The following DUS2 variants were observed in gnomAD, a reference collection of about 807,000 sequenced individuals.
DUS2 encodes the protein dihydrouridine synthase 2.
A neutral mutation model predicts 71.3 loss-of-function variants in DUS2; 52 were observed. That is an observed-to-expected ratio of 0.73 (90% CI 0.58 to 0.92). DUS2 has a LOEUF of 0.92. Among genes scored for constraint, DUS2 ranks in the 40% least tolerant of loss-of-function variants. The probability of loss-of-function intolerance (pLI) is 0.00; values close to 1 mark genes in which losing one functional copy is unlikely to be tolerated. For missense variants in DUS2, 558 were observed against 622.6 expected, an observed-to-expected ratio of 0.90 and a Z score of 1.10; for synonymous variants, 204 against 227.8, an observed-to-expected ratio of 0.90 and a Z score of 0.94.
chr16:68,042,856 G>A (rs1045942314), intron 3 of DUS2, among the ~76,000 whole-genome samples: 1 of 151,954 alleles, frequency 6.6e-6, no homozygotes, highest in Non-Finnish European at 1.5e-5. Flanking sequence ...TTACAGGCAT[G>A]CACCACTACA....
intron 2 of DUS2, among the ~76,000 whole-genome samples, chr16:68,033,405 T>C (rs1349654511): frequency 6.6e-6 from 1 of 152,130 alleles, no homozygotes; most frequent in Non-Finnish European, 1.5e-5. Flanking sequence ...TTTCTACATA[T>C]TGGACTGGTT....
chr16:68,027,790 G>A lies in DUS2; in HGVS notation c.-19+2296G>A, dbSNP rs537645945. On this transcript the variant is annotated intron_variant, in intron 2 of 16. Coordinates refer to ENST00000565263, the MANE Select transcript of DUS2 (RefSeq NM_017803.5). The stretch of plus-strand genomic sequence containing the variant: ...GTTGGTCAGAGAAGGCTTCCAGGAG[G>A]AGGTGATGAGGTTCTAAAAGTCTAC... 1.3e-3 allele frequency among the ~76,000 whole-genome samples: 198 copies of A among 151,534 alleles called. 2 individuals carry two copies. Among genetic ancestry groups the A allele is most frequent in the South Asian group, 7.9e-3 (38 of 4,832 alleles).
chr16:68,072,809 G>A (rs75421006), intron 12 of DUS2, among the ~76,000 whole-genome samples: 4,886 of 152,330 alleles, frequency 0.032, 117 homozygotes, highest in Non-Finnish European at 0.047. Flanking sequence ...GGGTGTCCCA[G>A]GCAGTCAGTC....
At chr16:68,036,467 G>T (rs1280568512) in intron 2 of DUS2, among the ~76,000 whole-genome samples, 1 of 149,602 alleles carries the variant, frequency 6.7e-6, no homozygotes, top group African/African-American at 2.5e-5. Context: ...GGCCCAGCTG[G>T]CTAATTTTTG....
At chr16:68,046,819 T>C (rs2151417605) in intron 3 of DUS2, among the ~76,000 whole-genome samples, 1 of 152,074 alleles carries the variant, frequency 6.6e-6, no homozygotes, top group Non-Finnish European at 1.5e-5. Flanking sequence ...CCATCTTGGC[T>C]CACTGCAAGC....
At chr16:68,070,896 G>T in intron 11 of DUS2, 44 bp from the exon 12 acceptor site, 1 of 1,595,384 alleles carries the variant, frequency 6.3e-7, no homozygotes, top group Non-Finnish European at 8.6e-7. Context: ...AATGCTGATA[G>T]GTTCCGTGAT....
At chr16:68,049,149 G>A (rs773386196) in intron 3 of DUS2, among the ~76,000 whole-genome samples, 7 of 152,190 alleles carry the variant, frequency 4.6e-5, no homozygotes, top group Non-Finnish European at 1.0e-4. Flanking sequence ...TTTGCTGAGG[G>A]ATAGGTGGGA....
At chr16:68,041,531 G>C (rs2033624995) in intron 3 of DUS2, among the ~76,000 whole-genome samples, 1 of 151,854 alleles carries the variant, frequency 6.6e-6, no homozygotes, top group Non-Finnish European at 1.5e-5. Context: ...GATTGATTTA[G>C]GCCAAGCACA....
chr16:68,028,856 G>C (rs1333595506), intron 2 of DUS2, among the ~76,000 whole-genome samples: 2 of 152,204 alleles, frequency 1.3e-5, no homozygotes, highest in Non-Finnish European at 2.9e-5. Flanking sequence ...GGCACAGCTG[G>C]GATTCAAGTG....
chr16:68,059,683 A>G (rs1383189276), intron 7 of DUS2, among the ~76,000 whole-genome samples: 1 of 152,188 alleles, frequency 6.6e-6, no homozygotes, highest in Non-Finnish European at 1.5e-5. Flanking sequence ...CTGAACTTAC[A>G]CCTTCTGAGC....
At chr16:68,070,908 G>A (rs2034074846) in intron 11 of DUS2, 32 bp from the exon 12 acceptor site, 15 of 1,604,486 alleles carry the variant, frequency 9.3e-6, no homozygotes, top group African/African-American at 1.3e-5. Context: ...TTCCGTGATG[G>A]GGACACCCCT....
chr16:68,037,750 A>C (rs1325919381), intron 2 of DUS2, among the ~76,000 whole-genome samples: 1 of 152,098 alleles, frequency 6.6e-6, no homozygotes, highest in African/African-American at 2.4e-5. Context: ...AAATACAAAA[A>C]TTAGCCGGTC....
intron 2 of DUS2, among the ~76,000 whole-genome samples, chr16:68,029,009 A>C (rs1386957882): frequency 3.9e-5 from 6 of 152,108 alleles, no homozygotes; most frequent in African/African-American, 7.2e-5. Flanking sequence ...GACTAGCCTG[A>C]GCAACATAGC....
At chr16:68,029,884 C>G (rs77460316) in intron 2 of DUS2, among the ~76,000 whole-genome samples, 2,018 of 151,038 alleles carry the variant, frequency 0.013, 43 homozygotes, top group African/African-American at 0.046. Flanking sequence ...AGGTGGAGTA[C>G]CTAGGACCAC....
At position 68,076,661 on chromosome 16, in the gene DUS2, A is replaced by G; in HGVS notation, c.1112A>G (p.Lys371Arg). The change falls in exon 15 of 17, where the codon AAG becomes AGG. Residue 371 changes from lysine to arginine, a missense_variant. Coordinates refer to ENST00000565263, the MANE Select transcript of DUS2 (RefSeq NM_017803.5). The stretch of plus-strand genomic sequence containing the variant: ...GCATACCCAGCCCAGATCACCCCTA[A>G]GATGTGCCTACTAGAGTGGTGCCGG... Reference protein sequence around the residue: ...RRAYPAQITPKMCLLEWCRRE... With the variant: ...RRAYPAQITPRMCLLEWCRRE... 1 of 1,614,040 alleles carries G rather than the reference A, an allele frequency of 6.2e-7. No homozygotes were observed. The highest frequency in any genetic ancestry group is 8.5e-7 in the Non-Finnish European group (1 of 1,179,962).
chr16:68,036,387 C>T (rs2033527987), intron 2 of DUS2, among the ~76,000 whole-genome samples: 1 of 152,138 alleles, frequency 6.6e-6, no homozygotes, highest in Non-Finnish European at 1.5e-5. Context: ...TCTTGAACTC[C>T]TGACCTCAGG....
intron 6 of DUS2, 112 bp from the exon 7 acceptor site, chr16:68,056,252 G>C: frequency 1.2e-6 from 1 of 849,382 alleles, no homozygotes; most frequent in Non-Finnish European, 1.9e-6. Flanking sequence ...GTGTTTCATA[G>C]AGTCAGGGAC....
At chr16:68,067,756 C>T (rs1312178199) in intron 10 of DUS2, among the ~76,000 whole-genome samples, 2 of 151,138 alleles carry the variant, frequency 1.3e-5, no homozygotes, top group Non-Finnish European at 3.0e-5. Context: ...AACTCCTGGG[C>T]TCAAGTAATC....
intron 13 of DUS2, among the ~76,000 whole-genome samples, chr16:68,074,781 G>C (rs927482917): frequency 2.6e-5 from 4 of 152,154 alleles, no homozygotes; most frequent in African/African-American, 9.7e-5. Context: ...ATCTATCTTC[G>C]TTTGAGTCTT....
Sources: gnomAD v4.1 joint callset for allele counts (sites outside exome capture counted in the v4.1 genomes callset) on GRCh38, gnomAD v4.1.1 for gene constraint, MANE v1.5 for transcripts, NCBI Gene and HGNC (gene_info 2026-07-23, HGNC 2026-07-21) for gene names.